BIRC6: variants seen among roughly 807,000 people sequenced by gnomAD.
BIRC6 encodes the protein baculoviral IAP repeat containing 6, also known as dual E2 ubiquitin-conjugating enzyme/E3 ubiquitin-protein ligase BIRC6.
A neutral mutation model predicts 503.3 loss-of-function variants in BIRC6; 98 were observed. The observed-to-expected ratio is 0.19, with a 90% confidence interval of 0.17 to 0.23. The LOEUF (loss-of-function observed/expected upper bound fraction) is 0.23. Ranked by LOEUF, BIRC6 falls within the 10% of genes least tolerant of loss-of-function variation. The pLI is 1.00. For missense variants in BIRC6, 5,360 were observed against 5,806.0 expected (o/e 0.92, Z 2.50); for synonymous variants, 2,240 against 2,078.7 (o/e 1.08, Z -2.11).
chr2:32,524,043 T>TAAAA (rs72216981), intron 57 of BIRC6, among the ~76,000 whole-genome samples: 1 of 143,718 alleles, frequency 7.0e-6, no homozygotes. Flanking sequence ...GACCTTATCT[T>TAAAA]AAAAAAAAAA....
At chr2:32,588,068 G>A (rs1439233453) in intron 66 of BIRC6, among the ~76,000 whole-genome samples, 2 of 152,118 alleles carry the variant, frequency 1.3e-5, no homozygotes, top group African/African-American at 4.8e-5. Context: ...AACTGAATAA[G>A]AATTAATAAG....
chr2:32,556,388 C>G (rs967419858), intron 65 of BIRC6, among the ~76,000 whole-genome samples: 1 of 152,160 alleles, frequency 6.6e-6, no homozygotes, highest in Non-Finnish European at 1.5e-5. Context: ...GACTACCCAG[C>G]GTAGTCCTTT....
intron 72 of BIRC6, among the ~76,000 whole-genome samples, chr2:32,609,395 A>T (rs2062701489): frequency 6.6e-6 from 1 of 152,098 alleles, no homozygotes; most frequent in South Asian, 2.1e-4. Flanking sequence ...AAATGACGTT[A>T]GCATCACAAC....
intron 65 of BIRC6, among the ~76,000 whole-genome samples, chr2:32,573,166 C>T (rs2060032571): frequency 6.6e-6 from 1 of 152,056 alleles, no homozygotes; most frequent in Admixed American, 6.6e-5. Context: ...CTGCTTATTC[C>T]CAGCCTGTCC....
chr2:32,598,038 C>T (rs2061787486), intron 69 of BIRC6, 70 bp downstream of exon 69: 1 of 1,310,872 alleles, frequency 7.6e-7, no homozygotes, highest in African/African-American at 1.5e-5. Flanking sequence ...AATTTTTATA[C>T]AAAACTGGAA....
Position 32,617,924 on chromosome 2 carries a change from C to G in BIRC6, c.*20C>G, listed in dbSNP as rs375565437. On this transcript the variant is annotated 3_prime_UTR_variant, in exon 74 of 74. Transcript: ENST00000421745. Reference sequence around the variant, plus strand: ...TTATGAGCTGCATTGATGTGGACTTCATAGACACAAAGGCTTCGAAGCACA... The same window carrying G: ...TTATGAGCTGCATTGATGTGGACTTGATAGACACAAAGGCTTCGAAGCACA... 1 of 1,592,896 alleles carries G rather than the reference C, an allele frequency of 6.3e-7. No individual in the cohort carries two copies. The highest frequency in any genetic ancestry group is 1.3e-5 in the African/African-American group (1 of 74,470).
At chr2:32,546,826 C>T (rs559968362) in intron 63 of BIRC6, among the ~76,000 whole-genome samples, 2 of 152,064 alleles carry the variant, frequency 1.3e-5, no homozygotes, top group Non-Finnish European at 2.9e-5. Flanking sequence ...TGTTTGTAAT[C>T]CCAGCACTTT....
At chr2:32,432,221 G>C (rs2044203523) in intron 12 of BIRC6, among the ~76,000 whole-genome samples, 1 of 152,140 alleles carries the variant, frequency 6.6e-6, no homozygotes, top group African/African-American at 2.4e-5. Context: ...TTTAAGACCA[G>C]CCTGGCCAAT....
At chr2:32,435,735 G>A in intron 14 of BIRC6, 150 bp downstream of exon 14, 1 of 868,202 alleles carries the variant, frequency 1.2e-6, no homozygotes, top group Non-Finnish European at 1.7e-6. Flanking sequence ...TTGGCAATAT[G>A]CTTTAACTTT....
intron 9 of BIRC6, among the ~76,000 whole-genome samples, chr2:32,413,407 C>T (rs1280870599): frequency 1.3e-5 from 2 of 151,782 alleles, no homozygotes; most frequent in African/African-American, 4.8e-5. Context: ...CTCAAACTCC[C>T]GGCCTCAGGT....
chr2:32,562,888 C>T (rs566982174), intron 65 of BIRC6, among the ~76,000 whole-genome samples: 5 of 152,236 alleles, frequency 3.3e-5, no homozygotes, highest in African/African-American at 1.2e-4. Context: ...ATGAATAGAT[C>T]TGCTATAAAC....
At chr2:32,385,206 A>C (rs1375816051) in intron 3 of BIRC6, among the ~76,000 whole-genome samples, 1 of 152,230 alleles carries the variant, frequency 6.6e-6, no homozygotes, top group Non-Finnish European at 1.5e-5. Flanking sequence ...CCATCTGTAA[A>C]TCAGGGCCAA....
intron 33 of BIRC6, among the ~76,000 whole-genome samples, chr2:32,474,114 C>T (rs2049440047): frequency 6.6e-6 from 1 of 151,918 alleles, no homozygotes; most frequent in Non-Finnish European, 1.5e-5. Context: ...AAATCCTTAG[C>T]TCTGGCATGT....
At chr2:32,514,305 A>G (rs925052676) in intron 54 of BIRC6, among the ~76,000 whole-genome samples, 1 of 152,190 alleles carries the variant, frequency 6.6e-6, no homozygotes, top group Non-Finnish European at 1.5e-5. Context: ...AGCCAGGGCA[A>G]CAGAGCAAGA....
Position 32,392,072 on chromosome 2 carries a change from G to A in BIRC6, c.873G>A (p.Glu291=). 2 of 1,594,388 alleles carry A rather than the reference G, an allele frequency of 1.3e-6. No homozygotes were observed. The highest frequency in any genetic ancestry group is 1.7e-6 in the Non-Finnish European group (2 of 1,169,576). Reference sequence around the variant, plus strand: ...TGTATAGTGAAGCTAACAGACGGGAGACATTTACCTCATGGCCTCATGTAG... The same window carrying A: ...TGTATAGTGAAGCTAACAGACGGGAAACATTTACCTCATGGCCTCATGTAG... ...SLMYSEANRR[E]TFTSWPHVGY... Residue 291 remains glutamate, a synonymous_variant, in exon 5 of 74, where the codon GAG becomes GAA. Transcript: ENST00000421745.
At chr2:32,487,551 T>A (rs1288849071) in intron 40 of BIRC6, 96 bp from the exon 41 acceptor site, 1 of 1,143,808 alleles carries the variant, frequency 8.7e-7, no homozygotes, top group Non-Finnish European at 1.2e-6. Flanking sequence ...AGTTTTAATT[T>A]TTAAAAACAA....
intron 51 of BIRC6, 96 bp from the exon 52 acceptor site, chr2:32,509,642 A>G: frequency 7.1e-7 from 1 of 1,406,230 alleles, no homozygotes; most frequent in Non-Finnish European, 9.8e-7. Context: ...AATGCTGTTT[A>G]TGAAACACAA....
At chr2:32,458,054 A>G (rs1224221973) in intron 23 of BIRC6, among the ~76,000 whole-genome samples, 4 of 152,150 alleles carry the variant, frequency 2.6e-5, no homozygotes, top group South Asian at 4.1e-4. Context: ...ATAGAATTCT[A>G]TAGGGATTCT....
chr2:32,396,501 A>G (rs554652077), intron 6 of BIRC6, among the ~76,000 whole-genome samples: 2 of 152,342 alleles, frequency 1.3e-5, no homozygotes, highest in South Asian at 2.1e-4. Context: ...AAAATACTGT[A>G]TGAAAAATTC....
Sources: gnomAD v4.1 joint callset for allele counts (sites outside exome capture counted in the v4.1 genomes callset) on GRCh38, gnomAD v4.1.1 for gene constraint, MANE v1.5 for transcripts, NCBI Gene and HGNC (gene_info 2026-07-23, HGNC 2026-07-21) for gene names.